The following LARP1B variants were observed in gnomAD, a reference collection of about 807,000 sequenced individuals.
LARP1B encodes the protein la-related protein 1B.
LARP1B carries 76 observed loss-of-function variants against 114.2 expected under a neutral mutation model. The ratio of observed to expected loss-of-function variants is 0.67; its 90% CI spans 0.55 to 0.81. LARP1B has a LOEUF of 0.81. Among genes scored for constraint, LARP1B ranks in the 30% least tolerant of loss-of-function variants. The pLI is 0.00. For missense variants in LARP1B, 1,014 were observed against 1,075.8 expected (o/e 0.94, Z 0.80); for synonymous variants, 345 against 348.0 (o/e 0.99, Z 0.10).
At chr4:128,092,312 A>G (rs1191418049) in intron 7 of LARP1B, among the ~76,000 whole-genome samples, 1 of 152,136 alleles carries the variant, frequency 6.6e-6, no homozygotes, top group Non-Finnish European at 1.5e-5. Context: ...TTGTGACACA[A>G]TTAAATGGGG....
At chr4:128,066,671 T>A (rs1397969298) in intron 1 of LARP1B, among the ~76,000 whole-genome samples, 1 of 151,372 alleles carries the variant, frequency 6.6e-6, no homozygotes, top group Admixed American at 6.6e-5. Flanking sequence ...ACAGGCAGGG[T>A]TTCTCTATGT....
intron 7 of LARP1B, chr4:128,092,783 C>T (rs1285109894): frequency 1.0e-6 from 1 of 985,260 alleles, no homozygotes; most frequent in African/African-American, 1.7e-5. Context: ...ACAGTTGATG[C>T]AAACACTGAA....
At chr4:128,074,424 A>G (rs1393165235) in intron 1 of LARP1B, 36 bp from the exon 2 acceptor site, 2 of 358,674 alleles carry the variant, frequency 5.6e-6, no homozygotes, top group Non-Finnish European at 7.8e-6. Context: ...TATTGAATGA[A>G]GTAGTTGTAA....
intron 1 of LARP1B, among the ~76,000 whole-genome samples, chr4:128,064,008 A>T (rs917461371): frequency 6.6e-6 from 1 of 152,056 alleles, no homozygotes; most frequent in Non-Finnish European, 1.5e-5. Flanking sequence ...GCGGTGGCAC[A>T]CGCCTGTAAT....
chr4:128,199,581 C>A lies in LARP1B; in HGVS notation c.2146C>A (p.Arg716Ser). The stretch of plus-strand genomic sequence containing the variant: ...TACCCAACAAGTGTACCACAAGTAT[C>A]GTCGAAGATGCCTAAGTGGTAAGAT... ...GFTQQVYHKY[R>S]RRCLSERKRL... Residue 716 changes from arginine to serine, a missense_variant, in exon 16 of 20, where the codon CGT becomes AGT. Transcript: ENST00000326639. The A allele has an allele frequency of 6.4e-7, 1 of 1,563,426 alleles. No homozygotes were observed. The highest frequency in any genetic ancestry group is 8.7e-7 in the Non-Finnish European group (1 of 1,152,710).
At chr4:128,098,768 T>TGTATATATATATG (rs58280279) in intron 8 of LARP1B, among the ~76,000 whole-genome samples, 1 of 18,900 alleles carries the variant, frequency 5.3e-5, no homozygotes, top group African/African-American at 2.1e-4. Flanking sequence ...TATATATATA[T>TGTATATATATATG]TTTTTTTTTT....
intron 1 of LARP1B, chr4:128,062,021 CCGCCGT>C (rs1434902305): frequency 1.0e-6 from 1 of 985,014 alleles, no homozygotes; most frequent in Admixed American, 6.2e-5. Flanking sequence ...GCCACCGCCG[CCGCCGT>C]CGCCGTTGCC....
intron 1 of LARP1B, among the ~76,000 whole-genome samples, chr4:128,065,253 A>ATTTATTTCTTTCTTTC (rs869130974): frequency 1.1e-5 from 1 of 89,538 alleles, no homozygotes; most frequent in African/African-American, 4.2e-5. Context: ...CCCACAATTA[A>ATTTATTTCTTTCTTTC]TTTCTTTCTT....
At chr4:128,155,610 C>A in intron 11 of LARP1B, 2 of 1,110,208 alleles carry the variant, frequency 1.8e-6, no homozygotes, top group Non-Finnish European at 2.8e-6. Flanking sequence ...CTTAGTCCAG[C>A]CCCCTACAAC....
chr4:128,102,178 T>G (rs1048724229), intron 8 of LARP1B, among the ~76,000 whole-genome samples: 1 of 152,176 alleles, frequency 6.6e-6, no homozygotes, highest in African/African-American at 2.4e-5. Context: ...ACCTACCATT[T>G]GTAATAGTAG....
At chr4:128,074,310 T>C (rs774875929) in intron 1 of LARP1B, 150 bp from the exon 2 acceptor site, 5 of 153,694 alleles carry the variant, frequency 3.3e-5, no homozygotes, top group Admixed American at 6.5e-5. Context: ...TCAAATGGGG[T>C]TGATTTTTTG....
intron 11 of LARP1B, among the ~76,000 whole-genome samples, chr4:128,136,008 A>G (rs1056394022): frequency 2.0e-5 from 3 of 152,130 alleles, no homozygotes; most frequent in Non-Finnish European, 4.4e-5. Flanking sequence ...CTTAATACAC[A>G]TAGGCCAGGT....
Position 128,091,087 on chromosome 4 carries a change from A to G in LARP1B, c.445A>G (p.Arg149Gly). The change falls in exon 6 of 20, where the codon AGA becomes GGA. Residue 149 changes from arginine to glycine, a missense_variant. Coordinates refer to ENST00000326639, the MANE Select transcript of LARP1B (RefSeq NM_018078.4). ...SEGGNIRGSF[R>G]GRGRGRGRGR... ...GGGTGGTAATATCCGAGGTTCCTTT[A>G]GAGGTCGAGGAAGAGGCCGAGGACG... 1 of 1,613,986 alleles carries G rather than the reference A, an allele frequency of 6.2e-7. No homozygotes were observed. The highest frequency in any genetic ancestry group is 8.5e-7 in the Non-Finnish European group (1 of 1,179,876).
chr4:128,076,160 C>G (rs540902095), intron 3 of LARP1B, among the ~76,000 whole-genome samples: 8 of 152,070 alleles, frequency 5.3e-5, no homozygotes, highest in Non-Finnish European at 1.0e-4. Context: ...ATTACAGGCA[C>G]GCACCACCAC....
At chr4:128,126,732 G>A (rs1004214917) in intron 11 of LARP1B, among the ~76,000 whole-genome samples, 3 of 151,636 alleles carry the variant, frequency 2.0e-5, no homozygotes, top group African/African-American at 7.3e-5. Flanking sequence ...TACAGTCTTT[G>A]CTATTGGTTG....
chr4:128,191,937 G>C (rs1003364208), intron 15 of LARP1B, among the ~76,000 whole-genome samples: 3 of 152,088 alleles, frequency 2.0e-5, no homozygotes, highest in Admixed American at 1.3e-4. Context: ...TGCAGAAAAG[G>C]CATCATGCAA....
chr4:128,101,319 A>G (rs976739219), intron 8 of LARP1B, among the ~76,000 whole-genome samples: 11 of 151,636 alleles, frequency 7.3e-5, no homozygotes, highest in African/African-American at 2.7e-4. Context: ...ACTAAAATAC[A>G]AAAATTAGCT....
At chr4:128,118,881 C>CT (rs34136459) in intron 10 of LARP1B, among the ~76,000 whole-genome samples, 141 of 139,438 alleles carry the variant, frequency 1.0e-3, no homozygotes, top group African/African-American at 2.5e-3. Context: ...ATTCCACAGT[C>CT]TTTTTTTTTT....
chr4:128,212,912 C>CT (rs1174891101), downstream of LARP1B, among the ~76,000 whole-genome samples: 31,583 of 83,992 alleles, frequency 0.38, 7,138 homozygotes, highest in Non-Finnish European at 0.43. Context: ...AAATCTCTCT[C>CT]TTTTTTTTTT....
Sources: allele counts gnomAD v4.1 joint callset (sites outside exome capture counted in the v4.1 genomes callset), GRCh38; gene constraint gnomAD v4.1.1; transcripts MANE v1.5; gene names NCBI Gene and HGNC (gene_info 2026-07-23, HGNC 2026-07-21).